Variants in FAM193A observed in about 807,000 individuals in gnomAD.
FAM193A encodes protein FAM193A.
A neutral mutation model predicts 126.5 loss-of-function variants in FAM193A; 22 were observed. The observed-to-expected ratio is 0.17, with a 90% confidence interval of 0.12 to 0.25. The LOEUF (loss-of-function observed/expected upper bound fraction) is 0.25. FAM193A is among the 10% of genes least tolerant of loss of function. The probability of loss-of-function intolerance (pLI) is 1.00; values close to 1 mark genes in which losing one functional copy is unlikely to be tolerated. For synonymous variants in FAM193A, 761 were observed against 646.8 expected (o/e 1.18, Z -2.68); for missense variants, 1,675 against 1,672.8 (o/e 1.00, Z -0.02).
rs186970911 is a variant in FAM193A at position 2,589,711 on chromosome 4, G to A, written c.256-6373G>A. On this transcript the variant is annotated intron_variant, in intron 1 of 20. Coordinates refer to ENST00000637812, the MANE Select transcript of FAM193A (RefSeq NM_001366318.2). ...TGTTAGTAATTGCTCTCCAGGCAAT[G>A]CCTTTTGCTCAGAGAACCTGCATAT... Among the ~76,000 whole-genome samples, 6 of 152,334 alleles carry A rather than the reference G, an allele frequency of 3.9e-5. No homozygotes were observed. The East Asian group carries it at 1.2e-3, about 29-fold the overall frequency.
At chr4:2,538,591 A>G (rs2108797744) in intron 1 of FAM193A, among the ~76,000 whole-genome samples, 1 of 148,574 alleles carries the variant, frequency 6.7e-6, no homozygotes, top group East Asian at 2.0e-4. Context: ...GGAGATCAAA[A>G]CAGGCCGCAG....
At chr4:2,724,455 C>T (rs1230405009) in intron 20 of FAM193A, among the ~76,000 whole-genome samples, 2 of 152,160 alleles carry the variant, frequency 1.3e-5, no homozygotes, top group Non-Finnish European at 2.9e-5. Flanking sequence ...TGTTTTCCTG[C>T]TTATCTCTAC....
intron 1 of FAM193A, among the ~76,000 whole-genome samples, chr4:2,580,901 G>T (rs570702098): frequency 6.6e-6 from 1 of 152,122 alleles, no homozygotes; most frequent in Admixed American, 6.6e-5. Context: ...AGGCCGAGGC[G>T]GGCAGATCAC....
At chr4:2,637,234 A>G (rs1440929764) in intron 5 of FAM193A, among the ~76,000 whole-genome samples, 1 of 152,168 alleles carries the variant, frequency 6.6e-6, no homozygotes, top group Admixed American at 6.5e-5. Context: ...GGCTGAGGCA[A>G]GAGGATTGCT....
At chr4:2,546,141 C>G (rs1170243431) in intron 1 of FAM193A, among the ~76,000 whole-genome samples, 1 of 150,408 alleles carries the variant, frequency 6.6e-6, no homozygotes, top group Non-Finnish European at 1.5e-5. Flanking sequence ...GAGCAAGACT[C>G]CGCCTCAAAA....
chr4:2,669,057 G>A (rs1053820185), intron 12 of FAM193A, among the ~76,000 whole-genome samples: 1 of 151,952 alleles, frequency 6.6e-6, no homozygotes, highest in African/African-American at 2.4e-5. Context: ...TGGCCAGGCT[G>A]GTCTCAAACT....
At chr4:2,603,446 A>G (rs1431239277) in intron 2 of FAM193A, among the ~76,000 whole-genome samples, 1 of 139,992 alleles carries the variant, frequency 7.1e-6, no homozygotes, top group Non-Finnish European at 1.5e-5. Flanking sequence ...TACCACGCCC[A>G]GCTAATTTTT....
At chr4:2,646,159 CTTTTTTTTTT>C (rs568447182) in intron 6 of FAM193A, among the ~76,000 whole-genome samples, 2 of 69,120 alleles carry the variant, frequency 2.9e-5, no homozygotes, top group African/African-American at 5.5e-5. Flanking sequence ...TGAGCATCTC[CTTTTTTTTTT>C]TTTTTTTTTT....
At chr4:2,541,138 C>G (rs984177215) in intron 1 of FAM193A, among the ~76,000 whole-genome samples, 1 of 151,084 alleles carries the variant, frequency 6.6e-6, no homozygotes, top group Non-Finnish European at 1.5e-5. Context: ...GGTGTGGTGG[C>G]GCATGCCTGT....
chr4:2,693,833 G>C lies in FAM193A; in HGVS notation c.3051G>C (p.Pro1017=). The C allele has an allele frequency of 5.0e-6, 8 of 1,614,166 alleles. No individual in the cohort carries two copies. Among genetic ancestry groups the C allele is most frequent in the Non-Finnish European group, 6.8e-6 (8 of 1,180,012 alleles). ...RKSFCPAPLP[P]ATDGSISAPP... ...GTTTCTGTCCTGCACCCCTACCCCC[G>C]GCCACAGATGGCTCCATTAGCGCCC... Residue 1017 remains proline, a synonymous_variant, in exon 16 of 21, where the codon CCG becomes CCC. Transcript: ENST00000637812.
Position 2,653,769 on chromosome 4 carries a change from T to C in FAM193A, c.1312-4034T>C, listed in dbSNP as rs552266367. Among the ~76,000 whole-genome samples the C allele has an allele frequency of 2.0e-4, 31 of 152,270 alleles. No homozygotes were observed. The South Asian group carries it at 6.2e-3, about 31-fold the overall frequency. The stretch of plus-strand genomic sequence containing the variant: ...GAGATGCATTTTTATTTTCACTGTC[T>C]TGTGAAGAAACCATGAGAAACAATC... On this transcript the variant is annotated intron_variant, in intron 7 of 20. Transcript: ENST00000637812.
Position 2,716,077 on chromosome 4 carries a change from C to G in FAM193A, c.4427C>G (p.Thr1476Arg). Residue 1476 changes from threonine to arginine, a missense_variant, in exon 20 of 21, where the codon ACA (threonine) becomes AGA (arginine). Thr to Arg is a moderately conservative substitution (Grantham distance 71). Transcript: ENST00000637812. Reference sequence around the variant, plus strand: ...CTAGACAGTGTGGATATGGATGAGACAGAGAGGGAAGTGGAATATTTCAAA... The same window carrying G: ...CTAGACAGTGTGGATATGGATGAGAGAGAGAGGGAAGTGGAATATTTCAAA... The part of the protein sequence containing the change: ...IDLDSVDMDE[T>R]EREVEYFKRF... The G allele has an allele frequency of 6.2e-7, 1 of 1,605,214 alleles. No individual in the cohort carries two copies. Among genetic ancestry groups the G allele is most frequent in the Non-Finnish European group, 8.5e-7 (1 of 1,171,842 alleles).
At chr4:2,549,433 G>A (rs1578572585) in intron 1 of FAM193A, among the ~76,000 whole-genome samples, 1 of 105,640 alleles carries the variant, frequency 9.5e-6, no homozygotes, top group Non-Finnish European at 1.7e-5. Flanking sequence ...GTCTCGCTCT[G>A]TCGCCCAGGC....
chr4:2,595,583 G>A (rs1044333445), intron 1 of FAM193A, among the ~76,000 whole-genome samples: 17 of 152,222 alleles, frequency 1.1e-4, no homozygotes, highest in Admixed American at 8.5e-4. Flanking sequence ...CTGGAAGGGC[G>A]TCTGGGCCTT....
chr4:2,535,518 C>A (rs893792484), upstream of FAM193A, among the ~76,000 whole-genome samples: 24 of 152,224 alleles, frequency 1.6e-4, no homozygotes, highest in Admixed American at 1.2e-3. Context: ...GTCCTTTGTG[C>A]CTCTGTGTCT....
chr4:2,604,553 G>GT (rs1261061683), intron 2 of FAM193A, among the ~76,000 whole-genome samples: 1 of 152,084 alleles, frequency 6.6e-6, no homozygotes, highest in South Asian at 2.1e-4. Flanking sequence ...AAGTCTTGGC[G>GT]TATCATTCCT....
intron 2 of FAM193A, 45 bp downstream of exon 2, chr4:2,596,374 C>T (rs1035424335): frequency 2.5e-5 from 17 of 688,540 alleles, no homozygotes; most frequent in African/African-American, 5.3e-5. Context: ...TGGCTCCCCC[C>T]GCCCAGGTTA....
intron 13 of FAM193A, among the ~76,000 whole-genome samples, chr4:2,685,531 C>T (rs1715636259): frequency 6.6e-6 from 1 of 152,162 alleles, no homozygotes; most frequent in African/African-American, 2.4e-5. Flanking sequence ...CTGGCACAGC[C>T]AAAGCAAAGA....
intron 1 of FAM193A, among the ~76,000 whole-genome samples, chr4:2,540,316 A>T (rs565518278): frequency 4.7e-4 from 71 of 152,068 alleles, no homozygotes; most frequent in Middle Eastern, 3.4e-3. Context: ...AAAATACAAA[A>T]AATTAGCCGG....
Sources: gnomAD v4.1 joint callset for allele counts (sites outside exome capture counted in the v4.1 genomes callset) on GRCh38, gnomAD v4.1.1 for gene constraint, MANE v1.5 for transcripts, NCBI Gene and HGNC (gene_info 2026-07-23, HGNC 2026-07-21) for gene names.